The following RBM42 variants were observed in gnomAD, a reference collection of about 807,000 sequenced individuals.
RBM42 encodes RNA-binding protein 42.
Under a neutral mutation model 41.4 loss-of-function variants are expected in RBM42, and 21 were observed. The ratio of observed to expected loss-of-function variants is 0.51; its 90% CI spans 0.36 to 0.73. The LOEUF (loss-of-function observed/expected upper bound fraction) is 0.73, where lower values mean the gene tolerates loss of function less well. RBM42 is among the 30% of genes least tolerant of loss of function. The probability of loss-of-function intolerance (pLI) is 0.00; values close to 1 mark genes in which losing one functional copy is unlikely to be tolerated. For missense variants in RBM42, 539 were observed against 680.4 expected (o/e 0.79, Z 2.31); for synonymous variants, 272 against 271.2 (o/e 1.00, Z -0.03).
In RBM42 at chr19:35,634,348, C is replaced by T. The variant is rs935839821; in HGVS notation, c.1110C>T (p.Asp370=). 1 of 1,613,588 alleles carries T rather than the reference C, an allele frequency of 6.2e-7. No homozygotes were observed. The highest frequency in any genetic ancestry group is 8.5e-7 in the Non-Finnish European group (1 of 1,179,694). The stretch of plus-strand genomic sequence containing the variant: ...CAGCGGCAGGGAGCAGCTGGGAGGA[C>T]CCCAGCCTGCTGGAGTGGGATGCAG... ...IRTAAGSSWE[D]PSLLEWDADD... Residue 370 remains aspartate (D), a synonymous_variant, in exon 8 of 10, where the codon GAC becomes GAT. Transcript: ENST00000262633.
In RBM42 at chr19:35,637,569, C is replaced by T; in HGVS notation, c.*15C>T. On this transcript the variant is annotated 3_prime_UTR_variant, in exon 10 of 10. Coordinates refer to ENST00000262633, the MANE Select transcript of RBM42 (RefSeq NM_024321.5). This position sits in a 1 kb window ranked among gnomAD's most constrained non-coding sequence, Gnocchi z 7.0. ...GCCTGAGATAGGGTCTGTGGCCAGG[C>T]ACCCGCTCCCACCTGGCCGGGCGCT... 6.3e-7 allele frequency: 1 copy of T among 1,597,518 alleles called. No homozygotes were observed. Among genetic ancestry groups the T allele is most frequent in the African/African-American group, 1.3e-5 (1 of 74,646 alleles).
Position 35,632,976 on chromosome 19 carries a change from C to T in RBM42, c.483C>T (p.Phe161=), listed in dbSNP as rs142561554. The T allele has an allele frequency of 1.7e-5, 27 of 1,609,280 alleles. No individual in the cohort carries two copies. Among genetic ancestry groups the T allele is most frequent in the Admixed American group, 6.7e-5 (4 of 59,766 alleles). ...GGGCCCCTATCCTGCGTCCAGCCTT[C>T]GTCCCCCACGTGCTACAGAGAGCAG... ...PQRAPILRPA[F]VPHVLQRADS... Residue 161 remains phenylalanine (F), a synonymous_variant, in exon 5 of 10, where the codon TTC becomes TTT. Coordinates refer to ENST00000262633, the MANE Select transcript of RBM42 (RefSeq NM_024321.5).
intron 4 of RBM42, chr19:35,631,741 T>C (rs1003158431): frequency 2.2e-5 from 8 of 363,630 alleles, no homozygotes; most frequent in Non-Finnish European, 4.1e-5. Flanking sequence ...AGTCTCAGTA[T>C]CTGCCACATA....
At chr19:35,634,516 C>T in intron 8 of RBM42, 143 bp downstream of exon 8, 1 of 606,462 alleles carries the variant, frequency 1.6e-6, no homozygotes, top group Non-Finnish European at 2.9e-6. Flanking sequence ...GAGGCTATGG[C>T]TCAGGGGCTG....
In RBM42 at chr19:35,631,413, T is replaced by C. The variant is rs749799850; in HGVS notation, c.442+8T>C. 3 of 1,613,856 alleles carry C rather than the reference T, an allele frequency of 1.9e-6. No individual in the cohort carries two copies. The Admixed American group carries it at 5.0e-5, about 27-fold the overall frequency. On this transcript the variant is annotated splice_region_variant and intron_variant, in intron 4 of 9. Transcript: ENST00000262633. ...TGTTCCTGCGGCGGGCAGGTGAGTC[T>C]GGGGCCAGGGACCCCCACATTTAAT...
intron 1 of RBM42, 37 bp from the exon 2 acceptor site, chr19:35,629,483 G>A (rs1967366547): frequency 6.2e-7 from 1 of 1,609,122 alleles, no homozygotes; most frequent in Admixed American, 1.7e-5. Flanking sequence ...AAATTGGTAC[G>A]AGGTCCTGAG....
intron 2 of RBM42, 113 bp downstream of exon 2, chr19:35,629,786 A>C (rs1225849581): frequency 1.9e-5 from 21 of 1,092,186 alleles, no homozygotes; most frequent in Non-Finnish European, 2.8e-5. Flanking sequence ...AGCATGACAA[A>C]TATTTTATAT....
In RBM42 at chr19:35,629,419, TA is replaced by T. The variant is rs1967365423; in HGVS notation, c.129-100del. ...ACCTTCGGGATTGTGGGGGCGGGGA[TA>T]GGGGAGAGGTTGGCAGGGGTGAGGG... On this transcript the variant is annotated intron_variant, in intron 1 of 9. Coordinates refer to ENST00000262633, the MANE Select transcript of RBM42 (RefSeq NM_024321.5). 5.2e-6 allele frequency: 8 copies of T among 1,549,718 alleles called. No individual in the cohort carries two copies. In the East Asian group the frequency reaches 1.1e-4, roughly 22 times the overall value.
In RBM42 at chr19:35,633,319, A is replaced by G. The variant is rs191266505; in HGVS notation, c.684+67A>G. 4.2e-5 allele frequency: 53 copies of G among 1,268,000 alleles called. No homozygotes were observed. The East Asian group carries it at 1.0e-3, about 24-fold the overall frequency. The allele number at this position is 1,268,000 out of a possible 1,614,324, so 78.5% of individuals were successfully genotyped here. A position where few individuals can be genotyped will look rare whatever the true frequency, so the allele number is the denominator to read the frequency against. On this transcript the variant is annotated intron_variant, in intron 6 of 9. Coordinates refer to ENST00000262633, the MANE Select transcript of RBM42 (RefSeq NM_024321.5). The stretch of plus-strand genomic sequence containing the variant: ...CGGGGAGACCATCCATCCTGGCCCA[A>G]TGGGCTATGTCTGAGTTGGCCTCTC...
Position 35,634,218 on chromosome 19 carries a change from A to G in RBM42, c.1018-38A>G, listed in dbSNP as rs775892989. The G allele has an allele frequency of 3.7e-6, 6 of 1,604,126 alleles. No individual in the cohort carries two copies. In the Admixed American group the frequency reaches 5.0e-5, roughly 13 times the overall value. Reference sequence around the variant, plus strand: ...GACCAAAGGACAGTGGGAGACCCCAATACCAACCCCTTTGCACCTCTCCCC... The same window carrying G: ...GACCAAAGGACAGTGGGAGACCCCAGTACCAACCCCTTTGCACCTCTCCCC... On this transcript the variant is annotated intron_variant, in intron 7 of 9. Coordinates refer to ENST00000262633, the MANE Select transcript of RBM42 (RefSeq NM_024321.5).
rs1362781028 is a variant in RBM42, at chr19:35,633,228, C to T, written c.660C>T (p.Ser220=). The T allele has an allele frequency of 6.3e-7, 1 of 1,599,574 alleles. No homozygotes were observed. The highest frequency in any genetic ancestry group is 8.5e-7 in the Non-Finnish European group (1 of 1,173,386). The change falls in exon 6 of 10, where the codon TCC becomes TCT. Residue 220 remains serine (S), a synonymous_variant. Transcript: ENST00000262633. ...MARAPGPPLG[S]MAALRPPLEE... is the part of the protein sequence containing the mutation. ...GGGCTCCAGGGCCCCCGCTGGGCTC[C>T]ATGGCTGCACTGAGGCCCCCTCTGG...
intron 2 of RBM42, 94 bp from the exon 3 acceptor site, chr19:35,631,046 A>G: frequency 8.9e-7 from 1 of 1,118,244 alleles, no homozygotes; most frequent in Non-Finnish European, 1.4e-6. Flanking sequence ...CATACAGAGC[A>G]CAAAGCATGA....
At chr19:35,634,799 C>T (rs541002974) in intron 8 of RBM42, among the ~76,000 whole-genome samples, 88 of 151,126 alleles carry the variant, frequency 5.8e-4, no homozygotes, top group African/African-American at 2.0e-3. Flanking sequence ...GCTGGGATTA[C>T]AGGCATGAGC....
At chr19:35,636,845 G>T (rs762905274) in intron 8 of RBM42, among the ~76,000 whole-genome samples, 24 of 152,120 alleles carry the variant, frequency 1.6e-4, no homozygotes, top group Non-Finnish European at 3.1e-4. Flanking sequence ...GCAGTTCAAG[G>T]TTAAAAGTAA....
intron 4 of RBM42, among the ~76,000 whole-genome samples, chr19:35,632,581 C>T (rs758244995): frequency 6.6e-6 from 1 of 152,142 alleles, no homozygotes; most frequent in Admixed American, 6.5e-5. Flanking sequence ...TCTCTTAGCA[C>T]TGATCCCACT....
chr19:35,631,120 C>G lies in RBM42; in HGVS notation c.283-20C>G. On this transcript the variant is annotated intron_variant, in intron 2 of 9. Coordinates refer to ENST00000262633, the MANE Select transcript of RBM42 (RefSeq NM_024321.5). ...GGGAATGCTGAGTCAGGCCCCTCAC[C>G]CTGACCTCTTCCTCGACAGGTCCAG... is the stretch of plus-strand genomic sequence containing the variant. 4 of 1,611,994 alleles carry G rather than the reference C, an allele frequency of 2.5e-6. No individual in the cohort carries two copies. Among genetic ancestry groups the G allele is most frequent in the Non-Finnish European group, 2.5e-6 (3 of 1,178,682 alleles).
intron 8 of RBM42, among the ~76,000 whole-genome samples, chr19:35,636,042 G>A (rs556814304): frequency 1.3e-5 from 2 of 152,216 alleles, no homozygotes; most frequent in South Asian, 2.1e-4. Context: ...TCCTGCTTCA[G>A]TGTTTGACTT....
intron 8 of RBM42, among the ~76,000 whole-genome samples, chr19:35,636,903 T>C (rs1967507943): frequency 6.6e-6 from 1 of 152,048 alleles, no homozygotes. Flanking sequence ...TGCCGCTTCC[T>C]GCTTGTGTCA....
At position 35,637,393 on chromosome 19, in the gene RBM42, GCTGGCCTAAGC is replaced by G; in HGVS notation, c.1330+45_1331-35del. ...CCTGGGAACTGCAGGCGCGGCAGGC[GCTGGCCTAAGC>G]CTGACCCGAGCCTGCCTTGAACCCT... On this transcript the variant is annotated intron_variant, in intron 9 of 9. Coordinates refer to ENST00000262633, the MANE Select transcript of RBM42 (RefSeq NM_024321.5). The surrounding 1 kb of genome is among the most constrained non-coding windows in gnomAD (Gnocchi z 7.0). 1 of 1,612,832 alleles carries G rather than the reference GCTGGCCTAAGC, an allele frequency of 6.2e-7. No individual in the cohort carries two copies. Among genetic ancestry groups the G allele is most frequent in the Non-Finnish European group, 8.5e-7 (1 of 1,179,278 alleles).
Sources: allele counts gnomAD v4.1 joint callset (sites outside exome capture counted in the v4.1 genomes callset), GRCh38; gene constraint gnomAD v4.1.1; non-coding constraint Gnocchi (gnomAD v3.1); transcripts MANE v1.5; gene names NCBI Gene and HGNC (gene_info 2026-07-23, HGNC 2026-07-21).